The following SRGAP3 variants were observed in gnomAD, a reference collection of about 807,000 sequenced individuals.
The protein encoded by SRGAP3 is SLIT-ROBO Rho GTPase activating protein 3.
Under a neutral mutation model 121.1 loss-of-function variants are expected in SRGAP3, and 39 were observed. The observed-to-expected ratio is 0.32, with a 90% confidence interval of 0.25 to 0.42. SRGAP3 has a LOEUF of 0.42. SRGAP3 is among the 10% of genes least tolerant of loss of function. The pLI is 1.00. For synonymous variants in SRGAP3, 601 were observed against 570.0 expected (o/e 1.05, Z -0.77); for missense variants, 1,213 against 1,470.6 (o/e 0.82, Z 2.86).
rs1941997005 is a variant in SRGAP3 at position 8,990,726 on chromosome 3, G to A, written c.2672C>T (p.Ala891Val). The A allele has an allele frequency of 6.2e-7, 1 of 1,611,704 alleles. No homozygotes were observed. Among genetic ancestry groups the A allele is most frequent in the Non-Finnish European group, 8.5e-7 (1 of 1,179,296 alleles). ...PSIDTPPRAAACPSSPHKIPL... is the reference protein window; with the variant it reads ...PSIDTPPRAAVCPSSPHKIPL... ...GATTTTGTGGGGGCTGCTGGGGCAGGCAGCAGCCCGGGGTGGTGTGTCTAT... is the reference window on the plus strand; with the variant it reads ...GATTTTGTGGGGGCTGCTGGGGCAGACAGCAGCCCGGGGTGGTGTGTCTAT... The change falls in exon 21 of 22, where the codon GCC becomes GTC. Residue 891 changes from alanine to valine, a missense_variant. Physicochemically the swap from Ala to Val is moderately conservative, Grantham distance 64 (BLOSUM62 0). Around this residue, in one of 2 missense-constraint regions of SRGAP3, gnomAD observed 420 missense variants for 437.7 expected, o/e 0.96. Coordinates refer to ENST00000383836, the MANE Select transcript of SRGAP3 (RefSeq NM_014850.4).
rs529200298 is a variant in SRGAP3, at chr3:9,029,699, T to C, written c.1540-2704A>G. Among the ~76,000 whole-genome samples, 4 of 152,384 alleles carry C rather than the reference T, an allele frequency of 2.6e-5. No homozygotes were observed. The East Asian group carries it at 5.8e-4, about 22-fold the overall frequency. ...AATAGTTGAAGGATTGAATACATTATACTGCCTTTTCATTCTCTGAAAGTT... is the reference window on the plus strand; with the variant it reads ...AATAGTTGAAGGATTGAATACATTACACTGCCTTTTCATTCTCTGAAAGTT... On this transcript the variant is annotated intron_variant, in intron 12 of 21. Transcript: ENST00000383836.
chr3:9,146,220 T>A (rs1950018515), intron 1 of SRGAP3, among the ~76,000 whole-genome samples: 1 of 152,208 alleles, frequency 6.6e-6, no homozygotes, highest in African/African-American at 2.4e-5. Context: ...AAATCCTGGT[T>A]TGCTAACTTG....
intron 21 of SRGAP3, among the ~76,000 whole-genome samples, chr3:8,988,521 C>T (rs1211908858): frequency 1.3e-5 from 2 of 152,058 alleles, no homozygotes; most frequent in African/African-American, 4.8e-5. Context: ...GGTGCAGATC[C>T]ATCTGCAAAC....
intron 4 of SRGAP3, among the ~76,000 whole-genome samples, chr3:9,079,496 T>C (rs921194338): frequency 6.6e-6 from 1 of 152,212 alleles, no homozygotes; most frequent in Non-Finnish European, 1.5e-5. Context: ...TGGACCACAC[T>C]GTGATGTTAT....
At chr3:9,346,970 A>G (rs750264847) in intron 1 of SRGAP3, among the ~76,000 whole-genome samples, 1 of 151,596 alleles carries the variant, frequency 6.6e-6, no homozygotes, top group East Asian at 1.9e-4. Flanking sequence ...TGGCCAGGCT[A>G]GTCTCGAACT....
chr3:9,041,303 C>T (rs139036899), intron 10 of SRGAP3, among the ~76,000 whole-genome samples: 1 of 152,348 alleles, frequency 6.6e-6, no homozygotes, highest in East Asian at 1.9e-4. Flanking sequence ...TGAGGGAGAA[C>T]AGATGTCCCC....
At chr3:9,319,183 A>C (rs927289679) in intron 3 of SRGAP3, among the ~76,000 whole-genome samples, 1 of 151,948 alleles carries the variant, frequency 6.6e-6, no homozygotes, top group Non-Finnish European at 1.5e-5. Context: ...ACAAATAAGA[A>C]AACAGGCTCA....
intron 3 of SRGAP3, among the ~76,000 whole-genome samples, chr3:9,285,169 G>A (rs1486114487): frequency 6.6e-6 from 1 of 152,140 alleles, no homozygotes; most frequent in African/African-American, 2.4e-5. Context: ...AACAAAACCA[G>A]GGCTAAAATA....
chr3:9,101,726 T>C (rs1948223460), intron 3 of SRGAP3, among the ~76,000 whole-genome samples: 1 of 152,188 alleles, frequency 6.6e-6, no homozygotes, highest in African/African-American at 2.4e-5. Flanking sequence ...TTATAACTAG[T>C]AAGGTCCCTT....
chr3:9,026,072 C>T (rs1030808250), intron 13 of SRGAP3, among the ~76,000 whole-genome samples: 1 of 152,190 alleles, frequency 6.6e-6, no homozygotes, highest in African/African-American at 2.4e-5. Context: ...CCCAGCCACA[C>T]TGACCTTCCT....
At chr3:9,230,425 G>A (rs1953159776) in intron 1 of SRGAP3, among the ~76,000 whole-genome samples, 1 of 152,160 alleles carries the variant, frequency 6.6e-6, no homozygotes, top group Non-Finnish European at 1.5e-5. Flanking sequence ...CACTGAACAG[G>A]AGACAGCCTT....
chr3:9,108,331 G>A (rs1314147250), intron 2 of SRGAP3, among the ~76,000 whole-genome samples: 1 of 152,190 alleles, frequency 6.6e-6, no homozygotes, highest in Non-Finnish European at 1.5e-5. Flanking sequence ...AAGAATGCCT[G>A]CTTTAGGCCG....
At chr3:9,203,614 T>C (rs1008931995) in intron 1 of SRGAP3, among the ~76,000 whole-genome samples, 8 of 152,260 alleles carry the variant, frequency 5.3e-5, no homozygotes, top group African/African-American at 1.9e-4. Context: ...ACCCTCTAAA[T>C]TGCAATTGTC....
intron 1 of SRGAP3, among the ~76,000 whole-genome samples, chr3:9,245,855 C>T (rs1303145118): frequency 6.6e-6 from 1 of 152,078 alleles, no homozygotes; most frequent in Non-Finnish European, 1.5e-5. Context: ...ACCCAAGAGG[C>T]GGAGATTGCA....
At position 9,243,156 on chromosome 3, in the gene SRGAP3, A is replaced by T. The variant is rs1953708402; in HGVS notation, c.67+5729T>A. On this transcript the variant is annotated intron_variant, in intron 1 of 21. Coordinates refer to ENST00000383836, the MANE Select transcript of SRGAP3 (RefSeq NM_014850.4). ...GGTTTGGAACAGAGGGGGAGATATG[A>T]GGGGACCACTAATTCTGCCTAGAAG... Among the ~76,000 whole-genome samples, 4 of 152,196 alleles carry T rather than the reference A, an allele frequency of 2.6e-5. No homozygotes were observed. The South Asian group carries it at 8.3e-4, about 31-fold the overall frequency.
intron 1 of SRGAP3, among the ~76,000 whole-genome samples, chr3:9,189,387 A>T (rs1951688908): frequency 6.6e-6 from 1 of 152,212 alleles, no homozygotes; most frequent in Non-Finnish European, 1.5e-5. Flanking sequence ...CCCTTCTGGA[A>T]GTCAGTTTTT....
intron 2 of SRGAP3, among the ~76,000 whole-genome samples, chr3:9,118,609 C>A (rs558487844): frequency 5.3e-5 from 8 of 152,250 alleles, no homozygotes; most frequent in African/African-American, 1.9e-4. Context: ...ACCATTTATT[C>A]CCCAGAAAAA....
intron 3 of SRGAP3, among the ~76,000 whole-genome samples, chr3:9,261,334 T>C (rs1954252071): frequency 6.6e-6 from 1 of 151,946 alleles, no homozygotes; most frequent in African/African-American, 2.4e-5. Flanking sequence ...GGAACAAAGC[T>C]GGATGGGGAA....
intron 1 of SRGAP3, among the ~76,000 whole-genome samples, chr3:9,351,045 T>G: frequency 6.6e-6 from 1 of 152,122 alleles, no homozygotes; most frequent in Admixed American, 6.5e-5. Flanking sequence ...ATGTGGTCTT[T>G]CAACATGCAA....
Sources: gnomAD v4.1 joint callset for allele counts (sites outside exome capture counted in the v4.1 genomes callset) on GRCh38, gnomAD v4.1.1 for gene constraint, gnomAD v4.1.1 regional missense constraint, MANE v1.5 for transcripts, NCBI Gene and HGNC (gene_info 2026-07-23, HGNC 2026-07-21) for gene names.